Variants in ITGA8 observed in about 807,000 individuals in gnomAD.
ITGA8 encodes the protein integrin subunit alpha 8.
A neutral mutation model predicts 142.3 loss-of-function variants in ITGA8; 91 were observed. The observed-to-expected ratio is 0.64, with a 90% CI of 0.54 to 0.76. The LOEUF (loss-of-function observed/expected upper bound fraction) is 0.76. ITGA8 is among the 30% of genes least tolerant of loss of function. The pLI, the probability that ITGA8 is intolerant of heterozygous loss-of-function variation, is 0.00. For missense variants in ITGA8, 1,406 were observed against 1,327.7 expected, an observed-to-expected ratio of 1.06 and a Z score of -0.92; for synonymous variants, 505 against 485.2, an observed-to-expected ratio of 1.04 and a Z score of -0.54.
At chr10:15,637,920 A>G (rs548523460) in intron 13 of ITGA8, among the ~76,000 whole-genome samples, 1 of 152,252 alleles carries the variant, frequency 6.6e-6, no homozygotes, top group South Asian at 2.1e-4. Flanking sequence ...AAATACATAC[A>G]TAGATGTTTG....
At chr10:15,712,764 G>A (rs1300363002) in intron 2 of ITGA8, among the ~76,000 whole-genome samples, 1 of 152,144 alleles carries the variant, frequency 6.6e-6, no homozygotes, top group Non-Finnish European at 1.5e-5. Flanking sequence ...AGGAAAGTTC[G>A]AATGTGCACA....
chr10:15,535,839 A>G (rs1484833361), intron 27 of ITGA8, among the ~76,000 whole-genome samples: 1 of 152,092 alleles, frequency 6.6e-6, no homozygotes, highest in Non-Finnish European at 1.5e-5. Context: ...TTTGCAATAA[A>G]TCTTGCTGCT....
intron 25 of ITGA8, among the ~76,000 whole-genome samples, chr10:15,570,389 C>T (rs1367208334): frequency 1.3e-5 from 2 of 151,990 alleles, no homozygotes; most frequent in Non-Finnish European, 2.9e-5. Flanking sequence ...GGGCGGATCA[C>T]CTGAGGTCAG....
intron 15 of ITGA8, among the ~76,000 whole-genome samples, 191 bp from the exon 16 acceptor site, chr10:15,608,481 G>C (rs1235120506): frequency 6.6e-6 from 1 of 151,888 alleles, no homozygotes; most frequent in Non-Finnish European, 1.5e-5. Context: ...CAAGACAAGT[G>C]ACATTATTAT....
chr10:15,568,835 GTACAT>G (rs1433254930), intron 25 of ITGA8, among the ~76,000 whole-genome samples: 3 of 152,178 alleles, frequency 2.0e-5, no homozygotes, highest in African/African-American at 7.2e-5. Context: ...CATTTGTTAA[GTACAT>G]TACATTCAGC....
intron 10 of ITGA8, among the ~76,000 whole-genome samples, chr10:15,657,509 C>CTTTCTTTTTTTTT (rs534714654): frequency 8.6e-6 from 1 of 116,500 alleles, no homozygotes; most frequent in African/African-American, 3.2e-5. Context: ...TCTTTTCTTT[C>CTTTCTTTTTTTTT]ATTTTTTTTT....
At chr10:15,696,924 A>T (rs1433159504) in intron 2 of ITGA8, among the ~76,000 whole-genome samples, 1 of 151,714 alleles carries the variant, frequency 6.6e-6, no homozygotes, top group Non-Finnish European at 1.5e-5. Context: ...TGGGAGGATC[A>T]GTTGAGCCTG....
chr10:15,629,840 A>AGGT (rs1833653158), intron 13 of ITGA8, among the ~76,000 whole-genome samples: 1 of 152,052 alleles, frequency 6.6e-6, no homozygotes, highest in African/African-American at 2.4e-5. Flanking sequence ...GGAAGAGAGA[A>AGGT]TCTCTTGAAC....
At position 15,681,317 on chromosome 10, in the gene ITGA8, C is replaced by T. The variant is rs1268473155; in HGVS notation, c.569-2534G>A. ...CTTGGCCATGACGGGAAGTCTGCTT[C>T]TTGGATGATCTGAGGAGGAAGAAGT... On this transcript the variant is annotated intron_variant, in intron 4 of 29. Coordinates refer to ENST00000378076, the MANE Select transcript of ITGA8 (RefSeq NM_003638.3). Among the ~76,000 whole-genome samples the T allele has an allele frequency of 4.6e-5, 7 of 152,220 alleles. No homozygotes were observed. In the South Asian group the frequency reaches 8.3e-4, roughly 18 times the overall value.
In ITGA8 at chr10:15,677,736, A is replaced by T. The variant is rs188278330; in HGVS notation, c.631-99T>A. 4.2e-6 allele frequency: 5 copies of T among 1,183,024 alleles called. No individual in the cohort carries two copies. The East Asian group carries it at 1.2e-4, about 29-fold the overall frequency. 73.3% of individuals were successfully genotyped at this position (1,183,024 alleles called of 1,614,324 possible). ...GTTGTTAATAAGCATTGCTCTAACA[A>T]TTTGTTACACATAAAAAGCAATTTT... On this transcript the variant is annotated intron_variant, in intron 5 of 29. Coordinates refer to ENST00000378076, the MANE Select transcript of ITGA8 (RefSeq NM_003638.3).
chr10:15,637,470 G>A (rs1193182427), intron 13 of ITGA8, among the ~76,000 whole-genome samples: 3 of 151,392 alleles, frequency 2.0e-5, no homozygotes, highest in South Asian at 4.2e-4. Flanking sequence ...CAGGTAATCC[G>A]ATTTTCCTTC....
At chr10:15,686,473 G>A (rs1009986395) in intron 3 of ITGA8, among the ~76,000 whole-genome samples, 1 of 152,204 alleles carries the variant, frequency 6.6e-6, no homozygotes, top group African/African-American at 2.4e-5. Flanking sequence ...TTCATGCCAT[G>A]AAAATTCTTT....
At chr10:15,694,676 G>GAAATATATATATATAT (rs1835015521) in intron 2 of ITGA8, among the ~76,000 whole-genome samples, 1 of 12,322 alleles carries the variant, frequency 8.1e-5, no homozygotes, top group African/African-American at 1.5e-4. Context: ...TATATTTGTC[G>GAAATATATATATATAT]ACATATATAT....
At chr10:15,660,954 A>G (rs971320872) in intron 8 of ITGA8, 32 bp from the exon 9 acceptor site, 4 of 1,579,920 alleles carry the variant, frequency 2.5e-6, no homozygotes, top group East Asian at 4.5e-5. Flanking sequence ...TAGAAGGGGA[A>G]TTACTCACAC....
chr10:15,578,809 G>A (rs941048217), intron 23 of ITGA8, among the ~76,000 whole-genome samples: 1 of 152,182 alleles, frequency 6.6e-6, no homozygotes, highest in South Asian at 2.1e-4. Context: ...CATGGACTCA[G>A]TGTATGTGGT....
At chr10:15,686,769 T>C (rs1749303408) in intron 3 of ITGA8, among the ~76,000 whole-genome samples, 1 of 152,210 alleles carries the variant, frequency 6.6e-6, no homozygotes, top group South Asian at 2.1e-4. Context: ...ATCACGTATT[T>C]TAGAAAATGC....
At position 15,514,133 on chromosome 10, in the gene ITGA8, T is replaced by C. The variant is rs1348433614; in HGVS notation, c.*3025A>G. ...AAATCTCCAAGTTTATAAAACTTAATTTGCCCCATTATTGTGTCTTAAAAC... is the reference window on the plus strand; with the variant it reads ...AAATCTCCAAGTTTATAAAACTTAACTTGCCCCATTATTGTGTCTTAAAAC... On this transcript the variant is annotated 3_prime_UTR_variant, in exon 30 of 30. Transcript: ENST00000378076. 6.6e-6 allele frequency: 1 copy of C among 152,218 alleles called. No individual in the cohort carries two copies. Among genetic ancestry groups the C allele is most frequent in the African/African-American group, 2.4e-5 (1 of 41,462 alleles). The allele number at this position is 152,218 out of a possible 1,614,324, so 9.4% of individuals were successfully genotyped here. A position where few individuals can be genotyped will look rare whatever the true frequency, so the allele number is the denominator to read the frequency against.
At chr10:15,635,301 G>A (rs940254855) in intron 13 of ITGA8, among the ~76,000 whole-genome samples, 6 of 151,972 alleles carry the variant, frequency 3.9e-5, no homozygotes, top group Non-Finnish European at 7.4e-5. Context: ...CACTGCGCCC[G>A]GCCTTCACTA....
At chr10:15,567,190 A>C (rs1266553623) in intron 25 of ITGA8, among the ~76,000 whole-genome samples, 1 of 151,740 alleles carries the variant, frequency 6.6e-6, no homozygotes, top group South Asian at 2.1e-4. Flanking sequence ...AAAAAGAAAA[A>C]TCCTTTACTC....
Sources: allele counts gnomAD v4.1 joint callset (sites outside exome capture counted in the v4.1 genomes callset), GRCh38; gene constraint gnomAD v4.1.1; transcripts MANE v1.5; gene names NCBI Gene and HGNC (gene_info 2026-07-23, HGNC 2026-07-21).